Variants in TENM2 observed in about 807,000 individuals in gnomAD.
TENM2 encodes the protein teneurin-2.
A neutral mutation model predicts 245.2 loss-of-function variants in TENM2; 52 were observed. That is an observed-to-expected ratio of 0.21 (90% CI 0.17 to 0.27). The LOEUF (loss-of-function observed/expected upper bound fraction) is 0.27. TENM2 is among the 10% of genes least tolerant of loss of function. The pLI is 1.00. For missense variants in TENM2, 3,046 were observed against 3,666.8 expected (o/e 0.83, Z 4.37); for synonymous variants, 1,363 against 1,438.9 (o/e 0.95, Z 1.19).
At chr5:167,772,108 G>A (rs866482757) in intron 2 of TENM2, among the ~76,000 whole-genome samples, 28 of 152,204 alleles carry the variant, frequency 1.8e-4, no homozygotes, top group Middle Eastern at 6.8e-3. Context: ...GTTGTGGGCT[G>A]CTGTCAATAA....
At chr5:167,565,439 A>G (rs910329988) in intron 2 of TENM2, among the ~76,000 whole-genome samples, 4 of 152,208 alleles carry the variant, frequency 2.6e-5, no homozygotes, top group Non-Finnish European at 4.4e-5. Flanking sequence ...AGCTGCATTA[A>G]TTCTTTCAGC....
At chr5:167,702,360 G>T (rs1758195306) in intron 2 of TENM2, among the ~76,000 whole-genome samples, 1 of 151,912 alleles carries the variant, frequency 6.6e-6, no homozygotes, top group Non-Finnish European at 1.5e-5. Context: ...GGAAAGTTCT[G>T]CCTTTCACGT....
the TENM2 span, among the ~76,000 whole-genome samples, chr5:167,096,704 A>T: frequency 6.6e-6 from 1 of 152,178 alleles, no homozygotes; most frequent in South Asian, 2.1e-4. Flanking sequence ...TTGAGTTTTT[A>T]TGTATACAAT....
chr5:167,936,582 C>G (rs1410315377), intron 3 of TENM2, among the ~76,000 whole-genome samples: 1 of 152,208 alleles, frequency 6.6e-6, no homozygotes, highest in East Asian at 1.9e-4. Context: ...TTTCCCCCAT[C>G]CATTGAAGCA....
intron 13 of TENM2, chr5:168,186,353 A>G (rs1484688556): frequency 6.6e-6 from 1 of 152,220 alleles, no homozygotes; most frequent in Non-Finnish European, 1.5e-5. Context: ...CCTTGGTATC[A>G]TTCCCAGAAA....
At chr5:167,461,380 G>T (rs1766280563) in intron 2 of TENM2, among the ~76,000 whole-genome samples, 1 of 152,002 alleles carries the variant, frequency 6.6e-6, no homozygotes, top group Non-Finnish European at 1.5e-5. Context: ...GTACTAGATG[G>T]CCTCAAGAGA....
chr5:167,879,927 GC>G (rs1416414860), intron 3 of TENM2, among the ~76,000 whole-genome samples: 1 of 152,164 alleles, frequency 6.6e-6, no homozygotes, highest in Admixed American at 6.5e-5. Context: ...CTTTGGGGTT[GC>G]CTAGGATCAA....
At chr5:167,592,268 T>C (rs1187046781) in intron 2 of TENM2, among the ~76,000 whole-genome samples, 2 of 152,360 alleles carry the variant, frequency 1.3e-5, no homozygotes, top group East Asian at 1.9e-4. Context: ...TTGTGTCGTG[T>C]TGACATCTGA....
the TENM2 span, among the ~76,000 whole-genome samples, chr5:167,252,645 G>A: frequency 4.2e-4 from 64 of 152,212 alleles, no homozygotes; most frequent in East Asian, 2.3e-3. Flanking sequence ...CACAGCCACC[G>A]CTAACTGCAA....
chr5:168,233,161 A>G (rs995408500), intron 25 of TENM2, among the ~76,000 whole-genome samples: 1 of 152,118 alleles, frequency 6.6e-6, no homozygotes, highest in African/African-American at 2.4e-5. Context: ...CCCCATCTCT[A>G]CTAAAAATAC....
At chr5:167,219,560 A>G in the TENM2 span, among the ~76,000 whole-genome samples, 20 of 152,182 alleles carry the variant, frequency 1.3e-4, no homozygotes, top group African/African-American at 4.8e-4. Flanking sequence ...ATGTTAATGG[A>G]GGGAAGCTCC....
intron 2 of TENM2, among the ~76,000 whole-genome samples, chr5:167,531,980 T>A (rs111675923): frequency 7.3e-4 from 111 of 152,188 alleles, no homozygotes; most frequent in Non-Finnish European, 1.4e-3. Context: ...CATCTCTTAA[T>A]ACCATTCATT....
intron 2 of TENM2, among the ~76,000 whole-genome samples, chr5:167,376,456 A>C (rs1176801220): frequency 6.6e-6 from 1 of 152,184 alleles, no homozygotes; most frequent in South Asian, 2.1e-4. Context: ...CTTTCATTTA[A>C]AAAAGAAAAA....
At chr5:167,708,922 T>C (rs906369179) in intron 2 of TENM2, among the ~76,000 whole-genome samples, 6 of 152,206 alleles carry the variant, frequency 3.9e-5, no homozygotes, top group African/African-American at 9.7e-5. Context: ...TATATTGTTA[T>C]GTGTGCTAAG....
chr5:167,199,697 C>T, the TENM2 span, among the ~76,000 whole-genome samples: 1 of 152,048 alleles, frequency 6.6e-6, no homozygotes, highest in African/African-American at 2.4e-5. Context: ...ATAAGCTCAT[C>T]GGGAGGTAGG....
intron 12 of TENM2, among the ~76,000 whole-genome samples, chr5:168,138,232 A>G (rs1755236526): frequency 6.6e-6 from 1 of 152,190 alleles, no homozygotes; most frequent in African/African-American, 2.4e-5. Context: ...ACCTTTAACA[A>G]GCTATGTGTC....
chr5:167,963,987 A>C (rs1053239832), intron 4 of TENM2, among the ~76,000 whole-genome samples: 1 of 152,202 alleles, frequency 6.6e-6, no homozygotes, highest in African/African-American at 2.4e-5. Flanking sequence ...AATCCAACGA[A>C]AATCAAACAT....
chr5:168,155,366 C>CA (rs35543060), intron 12 of TENM2, among the ~76,000 whole-genome samples: 37 of 139,960 alleles, frequency 2.6e-4, no homozygotes, highest in South Asian at 4.5e-4. Context: ...AAAAAACAAA[C>CA]AAAAAAAAAA....
chr5:167,278,761 G>A, the TENM2 span, among the ~76,000 whole-genome samples: 41 of 151,978 alleles, frequency 2.7e-4, no homozygotes, highest in East Asian at 6.0e-3. Context: ...CTCTACATAC[G>A]TTTAGAATCA....
Sources: allele counts gnomAD v4.1 joint callset (sites outside exome capture counted in the v4.1 genomes callset), GRCh38; gene constraint gnomAD v4.1.1; transcripts MANE v1.5; gene names NCBI Gene and HGNC (gene_info 2026-07-23, HGNC 2026-07-21).